PRKG1: variants seen among roughly 807,000 people sequenced by gnomAD.
PRKG1 encodes protein kinase cGMP-dependent 1, also known as cGMP-dependent protein kinase 1.
Under a neutral mutation model 88.1 loss-of-function variants are expected in PRKG1, and 35 were observed. The observed-to-expected ratio is 0.40, with a 90% confidence interval of 0.30 to 0.53. PRKG1 has a LOEUF of 0.53. PRKG1 is among the 20% of genes least tolerant of loss of function. The pLI is 0.59. For missense variants in PRKG1, 540 were observed against 839.8 expected, an observed-to-expected ratio of 0.64 and a Z score of 4.41; for synonymous variants, 303 against 292.5, an observed-to-expected ratio of 1.04 and a Z score of -0.37.
intron 3 of PRKG1, among the ~76,000 whole-genome samples, chr10:51,759,451 G>A (rs529409256): frequency 6.6e-6 from 1 of 152,220 alleles, no homozygotes; most frequent in Admixed American, 6.5e-5. Context: ...ATTTTTAGCA[G>A]AGATGGGGTT....
intron 1 of PRKG1, among the ~76,000 whole-genome samples, chr10:51,015,019 A>G (rs921280339): frequency 1.3e-5 from 2 of 152,242 alleles, no homozygotes; most frequent in African/African-American, 2.4e-5. Context: ...ACTCTCAATC[A>G]TTTCCCATCA....
rs1189087734 is a variant in PRKG1 at position 52,066,169 on chromosome 10, G to T, written c.935+3538G>T. The stretch of plus-strand genomic sequence containing the variant: ...GGTCCTTTTATTTTTTTCTTCATTT[G>T]ACTTCACTTCTCAGCCATGATTTTA... On this transcript the variant is annotated intron_variant, in intron 7 of 17. Transcript: ENST00000373980. Among the ~76,000 whole-genome samples, 6 of 151,586 alleles carry T rather than the reference G, an allele frequency of 4.0e-5. No homozygotes were observed. In the East Asian group the frequency reaches 1.2e-3, roughly 29 times the overall value.
chr10:51,594,887 A>T (rs1838403463), intron 3 of PRKG1, among the ~76,000 whole-genome samples: 1 of 152,188 alleles, frequency 6.6e-6, no homozygotes. Context: ...GTACTCAACC[A>T]AAAAGGCATA....
chr10:51,532,366 C>T (rs570870573), intron 3 of PRKG1, among the ~76,000 whole-genome samples: 11 of 152,258 alleles, frequency 7.2e-5, no homozygotes, highest in South Asian at 2.1e-4. Context: ...TACAATTTTC[C>T]GGTCTGTTTC....
chr10:51,947,848 T>C (rs1843087065), intron 5 of PRKG1, among the ~76,000 whole-genome samples: 1 of 151,846 alleles, frequency 6.6e-6, no homozygotes, highest in Admixed American at 6.6e-5. Context: ...ATCCAGTGAA[T>C]ATGAGGAAAT....
At chr10:51,019,806 CA>C (rs201443054) in intron 1 of PRKG1, among the ~76,000 whole-genome samples, 1 of 148,504 alleles carries the variant, frequency 6.7e-6, no homozygotes, top group Non-Finnish European at 1.5e-5. Flanking sequence ...CAAAACAAAA[CA>C]AAAAAAAACT....
chr10:52,296,798 C>G lies in PRKG1; in HGVS notation c.*2898C>G, dbSNP rs1017249770. ...AATTTCTGGAAAAACGCTATACATG[C>G]TTTTTATGTTTATATCTTCTTTCTT... is the stretch of plus-strand genomic sequence containing the variant. On this transcript the variant is annotated 3_prime_UTR_variant, in exon 18 of 18. Coordinates refer to ENST00000373980, the MANE Select transcript of PRKG1 (RefSeq NM_006258.4). 6.6e-6 allele frequency: 1 copy of G among 152,024 alleles called. No homozygotes were observed. The highest frequency in any genetic ancestry group is 2.1e-4 in the South Asian group (1 of 4,824). The allele number at this position is 152,024 out of a possible 1,614,324, so 9.4% of individuals were successfully genotyped here. A position where few individuals can be genotyped will look rare whatever the true frequency, so the allele number is the denominator to read the frequency against.
chr10:51,597,018 C>A (rs946863713), intron 3 of PRKG1, among the ~76,000 whole-genome samples: 2 of 152,126 alleles, frequency 1.3e-5, no homozygotes, highest in African/African-American at 4.8e-5. Context: ...ATTTATCGTC[C>A]CTGTAACAAG....
intron 3 of PRKG1, among the ~76,000 whole-genome samples, chr10:51,626,548 C>T (rs907704708): frequency 6.6e-6 from 1 of 152,154 alleles, no homozygotes; most frequent in Admixed American, 6.5e-5. Context: ...TTTGTCCAAA[C>T]AACCCACAAA....
At chr10:51,830,582 G>A (rs1325089478) in intron 4 of PRKG1, among the ~76,000 whole-genome samples, 2 of 107,356 alleles carry the variant, frequency 1.9e-5, no homozygotes, top group East Asian at 2.9e-4. Context: ...TTTTTTTTGA[G>A]TCACAGTCTC....
chr10:51,071,240 A>C (rs1287770766), upstream of PRKG1, among the ~76,000 whole-genome samples: 1 of 152,248 alleles, frequency 6.6e-6, no homozygotes, highest in African/African-American at 2.4e-5. Context: ...GGAAACACTC[A>C]AAAGGTTGAG....
intron 2 of PRKG1, among the ~76,000 whole-genome samples, chr10:51,317,964 A>G (rs1412656302): frequency 6.6e-6 from 1 of 152,126 alleles, no homozygotes; most frequent in African/African-American, 2.4e-5. Flanking sequence ...CAGCCCAAAC[A>G]TCTTCTGCAA....
At chr10:52,203,636 G>A (rs1304674315) in intron 9 of PRKG1, among the ~76,000 whole-genome samples, 1 of 152,288 alleles carries the variant, frequency 6.6e-6, no homozygotes, top group African/African-American at 2.4e-5. Context: ...CACTATTATT[G>A]TGTGGTTACC....
At position 51,140,824 on chromosome 10, in the gene PRKG1, A is replaced by G. The variant is rs538207558; in HGVS notation, c.312-12340A>G. Among the ~76,000 whole-genome samples, 28 of 152,168 alleles carry G rather than the reference A, an allele frequency of 1.8e-4. 2 individuals carry two copies. In the South Asian group the frequency reaches 4.6e-3, roughly 25 times the overall value. On this transcript the variant is annotated intron_variant, in intron 1 of 17. Transcript: ENST00000373980. Reference sequence around the variant, plus strand: ...GTGTCCAGCAATTCTTGCACCTCTAATAGCATATTCCTACCTGTGGGTAGG... The same window carrying G: ...GTGTCCAGCAATTCTTGCACCTCTAGTAGCATATTCCTACCTGTGGGTAGG...
intron 3 of PRKG1, chr10:51,696,684 A>C (rs1264259096): frequency 1.3e-5 from 2 of 151,498 alleles, no homozygotes; most frequent in African/African-American, 4.9e-5. Flanking sequence ...CTTTAGAAAA[A>C]ACAATTCTAA....
intron 1 of PRKG1, among the ~76,000 whole-genome samples, chr10:51,096,123 T>A (rs1844521246): frequency 6.6e-6 from 1 of 152,102 alleles, no homozygotes; most frequent in Non-Finnish European, 1.5e-5. Flanking sequence ...TTTCTTTTTT[T>A]AAATGGTAGA....
rs567885577 is a variant in PRKG1 at position 52,270,832 on chromosome 10, G to A, written c.1174-518G>A. Reference sequence around the variant, plus strand: ...ACATGTATACATATGTAACAAACCTGCGCGTTGTACACACGTACCCTAGAA... The same window carrying A: ...ACATGTATACATATGTAACAAACCTACGCGTTGTACACACGTACCCTAGAA... On this transcript the variant is annotated intron_variant, in intron 10 of 17. Transcript: ENST00000373980. 4.0e-5 allele frequency among the ~76,000 whole-genome samples: 6 copies of A among 151,698 alleles called. No homozygotes were observed. The East Asian group carries it at 1.2e-3, about 30-fold the overall frequency.
chr10:51,818,450 T>A (rs1839650403), intron 4 of PRKG1, among the ~76,000 whole-genome samples: 1 of 152,186 alleles, frequency 6.6e-6, no homozygotes, highest in Non-Finnish European at 1.5e-5. Context: ...AAAGAGATAT[T>A]TTCTTTCTTT....
intron 9 of PRKG1, among the ~76,000 whole-genome samples, chr10:52,166,702 C>CAT (rs144072478): frequency 0.26 from 37,335 of 146,120 alleles, 8,473 homozygotes; most frequent in African/African-American, 0.6. Flanking sequence ...ATATTTCTGA[C>CAT]GTGTATAGCT....
Sources: gnomAD v4.1 joint callset for allele counts (sites outside exome capture counted in the v4.1 genomes callset) on GRCh38, gnomAD v4.1.1 for gene constraint, MANE v1.5 for transcripts, NCBI Gene and HGNC (gene_info 2026-07-23, HGNC 2026-07-21) for gene names.